TOR1AIP2: variants seen among roughly 807,000 people sequenced by gnomAD.
TOR1AIP2 encodes torsin-1A-interacting protein 2.
Under a neutral mutation model 32.6 loss-of-function variants are expected in TOR1AIP2, and 20 were observed. The ratio of observed to expected loss-of-function variants is 0.61; its 90% CI spans 0.43 to 0.89. The LOEUF (loss-of-function observed/expected upper bound fraction) is 0.89, where lower values mean the gene tolerates loss of function less well. Ranked by LOEUF, TOR1AIP2 falls within the 40% of genes least tolerant of loss-of-function variation. TOR1AIP2 has a pLI of 0.00. For synonymous variants in TOR1AIP2, 214 were observed against 210.8 expected, an observed-to-expected ratio of 1.02 and a Z score of -0.13; for missense variants, 456 against 553.8, an observed-to-expected ratio of 0.82 and a Z score of 1.77.
At chr1:179,866,141 T>TA (rs897989679) in intron 2 of TOR1AIP2, among the ~76,000 whole-genome samples, 1 of 152,078 alleles carries the variant, frequency 6.6e-6, no homozygotes, top group Non-Finnish European at 1.5e-5. Context: ...TCTAACCTGG[T>TA]AAAACTTAGC....
At chr1:179,853,779 G>T (rs1571666569) in intron 3 of TOR1AIP2, among the ~76,000 whole-genome samples, 1 of 152,124 alleles carries the variant, frequency 6.6e-6, no homozygotes, top group Admixed American at 6.5e-5. Flanking sequence ...TAACTTAAAA[G>T]CTTATGAAAA....
chr1:179,866,152 G>A (rs1210827821), intron 2 of TOR1AIP2, among the ~76,000 whole-genome samples: 1 of 151,890 alleles, frequency 6.6e-6, no homozygotes. Flanking sequence ...AAAACTTAGC[G>A]ATCTCTTGTA....
At chr1:179,853,590 T>A (rs1434606521) in intron 3 of TOR1AIP2, among the ~76,000 whole-genome samples, 2 of 152,108 alleles carry the variant, frequency 1.3e-5, no homozygotes, top group Non-Finnish European at 2.9e-5. Flanking sequence ...AATACAAAAA[T>A]ATATAAGAAA....
chr1:179,846,355 T>C lies in TOR1AIP2; in HGVS notation c.1129A>G (p.Ile377Val), dbSNP rs1695903251. The change falls in exon 7 of 7, where the codon ATC becomes GTC. Residue 377 changes from isoleucine to valine, a missense_variant. Transcript: ENST00000609928. ...FESFPAGSTL[I>V]FYKYCDHENA... Reference sequence around the variant, plus strand: ...TCATGATCACAATACTTATAGAAGATCAAAGTGGAGCCGGCAGGGAAGGAT... The same window carrying C: ...TCATGATCACAATACTTATAGAAGACCAAAGTGGAGCCGGCAGGGAAGGAT... The C allele has an allele frequency of 6.2e-6, 10 of 1,614,030 alleles. No individual in the cohort carries two copies. Among genetic ancestry groups the C allele is most frequent in the Non-Finnish European group, 8.5e-6 (10 of 1,180,042 alleles).
At position 179,841,238 on chromosome 1, in the gene TOR1AIP2, A is replaced by T. The variant is rs1695710543; in HGVS notation, c.*4833T>A. On this transcript the variant is annotated 3_prime_UTR_variant, in exon 7 of 7. Coordinates refer to ENST00000609928, the MANE Select transcript of TOR1AIP2 (RefSeq NM_001199260.2). ...GCTACTTGACTTGTGAAAAACAAAA[A>T]ACCACCATGACTTCTCAACAAATAC... 1 of 152,224 alleles carries T rather than the reference A, an allele frequency of 6.6e-6. No individual in the cohort carries two copies. The highest frequency in any genetic ancestry group is 2.4e-5 in the African/African-American group (1 of 41,454). The allele number at this position is 152,224 out of a possible 1,614,324, so 9.4% of individuals were successfully genotyped here.
chr1:179,869,833 GAA>G (rs1329018193), intron 2 of TOR1AIP2, among the ~76,000 whole-genome samples: 1 of 152,178 alleles, frequency 6.6e-6, no homozygotes, highest in African/African-American at 2.4e-5. Flanking sequence ...ATACAACTCA[GAA>G]AACTTTATTT....
At chr1:179,863,856 C>T in intron 3 of TOR1AIP2, 4 of 985,348 alleles carry the variant, frequency 4.1e-6, no homozygotes, top group Non-Finnish European at 4.8e-6. Flanking sequence ...TTCTAAGTGG[C>T]TTAACCCCAA....
chr1:179,850,859 C>T lies in TOR1AIP2; in HGVS notation c.539G>A (p.Arg180Gln), dbSNP rs759963550. Residue 180 changes from arginine to glutamine, a missense_variant, in exon 5 of 7, where the codon CGA (arginine) becomes CAA (glutamine). Transcript: ENST00000609928. The stretch of plus-strand genomic sequence containing the variant: ...GGTTCTCTTACCTGGGGCCAGCAGT[C>T]GCCTCCTCAGTGTATCCTCACCCTC... ...GQEGEDTLRR[R>Q]LLAPEAGSHP... 1.2e-5 allele frequency: 20 copies of T among 1,612,928 alleles called. No individual in the cohort carries two copies. The highest frequency in any genetic ancestry group is 1.6e-4 in the Middle Eastern group (1 of 6,082).
intron 3 of TOR1AIP2, among the ~76,000 whole-genome samples, chr1:179,856,782 T>G (rs1423923543): frequency 6.6e-6 from 1 of 152,148 alleles, no homozygotes; most frequent in Non-Finnish European, 1.5e-5. Flanking sequence ...CCCAGCTAAT[T>G]TTTGTATTTT....
At chr1:179,863,130 G>C in intron 3 of TOR1AIP2, 1 of 462,488 alleles carries the variant, frequency 2.2e-6, no homozygotes, top group Non-Finnish European at 2.8e-6. Flanking sequence ...GGAGGCTGAG[G>C]CAGGAGAATT....
intron 3 of TOR1AIP2, 115 bp from the exon 4 acceptor site, chr1:179,852,926 T>A (rs908314872): frequency 1.4e-6 from 1 of 733,064 alleles, no homozygotes; most frequent in Non-Finnish European, 1.8e-6. Context: ...TCTGTGAAAC[T>A]TTTTTCGTGA....
intron 3 of TOR1AIP2, chr1:179,861,016 T>C (rs1464979565): frequency 1.0e-6 from 1 of 985,328 alleles, no homozygotes; most frequent in Non-Finnish European, 1.2e-6. Context: ...AGCCACCTCT[T>C]TGGTGGATGT....
In TOR1AIP2 at chr1:179,843,431, A is replaced by C. The variant is rs964698024; in HGVS notation, c.*2640T>G. ...TGAGGCACAAGAATCACTTGAACCC[A>C]GGAGGTGTAGGTTACAGTGAGATGA... On this transcript the variant is annotated 3_prime_UTR_variant, in exon 7 of 7. Transcript: ENST00000609928. 1.1e-4 allele frequency: 17 copies of C among 150,466 alleles called. No homozygotes were observed. Among genetic ancestry groups the C allele is most frequent in the Admixed American group, 1.0e-3 (15 of 14,956 alleles). 9.3% of individuals were successfully genotyped at this position (150,466 alleles called of 1,614,324 possible). A position where few individuals can be genotyped will look rare whatever the true frequency, so the allele number is the denominator to read the frequency against.
At chr1:179,854,742 A>G (rs1696235481) in intron 3 of TOR1AIP2, among the ~76,000 whole-genome samples, 1 of 152,084 alleles carries the variant, frequency 6.6e-6, no homozygotes, top group South Asian at 2.1e-4. Flanking sequence ...ATGGTGGCGC[A>G]TGCCTGTAAT....
intron 5 of TOR1AIP2, 29 bp from the exon 6 acceptor site, chr1:179,847,665 T>G (rs1181920888): frequency 2.8e-6 from 4 of 1,426,070 alleles, no homozygotes; most frequent in Middle Eastern, 1.7e-4. Context: ...AATATTATTT[T>G]TAGGCAGTAC....
chr1:179,852,891 T>C (rs1696169758), intron 3 of TOR1AIP2, 80 bp from the exon 4 acceptor site: 1 of 1,083,840 alleles, frequency 9.2e-7, no homozygotes, highest in Admixed American at 3.6e-5. Flanking sequence ...ATTTATTAAA[T>C]ATGTGTAGCT....
chr1:179,867,251 T>C (rs984733472), intron 2 of TOR1AIP2, among the ~76,000 whole-genome samples: 1 of 152,200 alleles, frequency 6.6e-6, no homozygotes, highest in Non-Finnish European at 1.5e-5. Context: ...TAGAGTCAAG[T>C]AGACATACTG....
Position 179,841,531 on chromosome 1 carries a change from C to T in TOR1AIP2, c.*4540G>A, listed in dbSNP as rs558940622. ...AATTCCTGAAGTAGGAGGATCATCC[C>T]CTTGAGGCCAGGAGGTCCAGGCTGC... is the stretch of plus-strand genomic sequence containing the variant. On this transcript the variant is annotated 3_prime_UTR_variant, in exon 7 of 7. Transcript: ENST00000609928. 2 of 152,294 alleles carry T rather than the reference C, an allele frequency of 1.3e-5. No homozygotes were observed. The highest frequency in any genetic ancestry group is 4.1e-4 in the South Asian group (2 of 4,826). The allele number at this position is 152,294 out of a possible 1,614,324, so 9.4% of individuals were successfully genotyped here. A position where few individuals can be genotyped will look rare whatever the true frequency, so the allele number is the denominator to read the frequency against.
rs367898216 is a variant in TOR1AIP2, at chr1:179,850,881, C to T, written c.517G>A (p.Gly173Ser). 99 of 1,613,978 alleles carry T rather than the reference C, an allele frequency of 6.1e-5. 7 individuals are homozygous for T. The East Asian group carries it at 7.8e-4, about 13-fold the overall frequency. ...SPGHSSAGQE[G>S]EDTLRRRLLA... Reference sequence around the variant, plus strand: ...AGTCGCCTCCTCAGTGTATCCTCACCCTCTTGCCCTGCACTGGAATGACCA... The same window carrying T: ...AGTCGCCTCCTCAGTGTATCCTCACTCTCTTGCCCTGCACTGGAATGACCA... The change falls in exon 5 of 7, where the codon GGT becomes AGT. Residue 173 changes from glycine to serine, a missense_variant. Coordinates refer to ENST00000609928, the MANE Select transcript of TOR1AIP2 (RefSeq NM_001199260.2).
Sources: gnomAD v4.1 joint callset for allele counts (sites outside exome capture counted in the v4.1 genomes callset) on GRCh38, gnomAD v4.1.1 for gene constraint, MANE v1.5 for transcripts, NCBI Gene and HGNC (gene_info 2026-07-23, HGNC 2026-07-21) for gene names.